The following SLC13A3 variants were observed in gnomAD, a reference collection of about 807,000 sequenced individuals.
SLC13A3 encodes the protein solute carrier family 13 member 3.
Under a neutral mutation model 59.0 loss-of-function variants are expected in SLC13A3, and 40 were observed. The observed-to-expected ratio is 0.68, with a 90% CI of 0.53 to 0.88. The LOEUF is 0.88. Ranked by LOEUF, SLC13A3 falls within the 40% of genes least tolerant of loss-of-function variation. The pLI is 0.00. For synonymous variants in SLC13A3, 317 were observed against 330.3 expected, an observed-to-expected ratio of 0.96 and a Z score of 0.44; for missense variants, 699 against 783.2, an observed-to-expected ratio of 0.89 and a Z score of 1.28.
intron 1 of SLC13A3, among the ~76,000 whole-genome samples, chr20:46,660,839 CTTCTCTACGTGT>C (rs2063025473): frequency 6.6e-6 from 1 of 151,676 alleles, no homozygotes; most frequent in African/African-American, 2.4e-5. Context: ...TTCACTTTTC[CTTCTCTACGTGT>C]TTCAAACAGG....
rs1527137 is a variant in SLC13A3, at chr20:46,640,541, T to C, written c.111+10770A>G. Among the ~76,000 whole-genome samples, 672 of 152,210 alleles carry C rather than the reference T, an allele frequency of 4.4e-3. 7 individuals carry two copies. The highest frequency in any genetic ancestry group is 0.016 in the African/African-American group (650 of 41,530). On this transcript the variant is annotated intron_variant, in intron 1 of 12. Transcript: ENST00000279027. The stretch of plus-strand genomic sequence containing the variant: ...GAGAGTCTGGACTCTCTGCAGATAA[T>C]AGCAACAGCAGCAATCCTTTATTAA...
intron 6 of SLC13A3, among the ~76,000 whole-genome samples, chr20:46,590,984 C>G (rs1472393594): frequency 6.6e-6 from 1 of 150,874 alleles, no homozygotes; most frequent in African/African-American, 2.4e-5. Context: ...CAGAGTAAAC[C>G]CCTCTCTCTA....
At chr20:46,626,123 GTC>G (rs997252516) in intron 1 of SLC13A3, among the ~76,000 whole-genome samples, 33 of 89,292 alleles carry the variant, frequency 3.7e-4, no homozygotes, top group Non-Finnish European at 5.0e-4. Context: ...CTCTCTCTCT[GTC>G]TCTCTCTCTC....
intron 11 of SLC13A3, among the ~76,000 whole-genome samples, 178 bp downstream of exon 11, chr20:46,566,051 T>C (rs943988239): frequency 1.2e-4 from 18 of 152,242 alleles, no homozygotes; most frequent in African/African-American, 4.1e-4. Context: ...TATGTATACA[T>C]TTTTTGAAGG....
chr20:46,588,079 C>G lies in SLC13A3; in HGVS notation c.1101G>C (p.Trp367Cys). The G allele has an allele frequency of 3.1e-6, 5 of 1,610,062 alleles. No individual in the cohort carries two copies. The highest frequency in any genetic ancestry group is 4.2e-6 in the Non-Finnish European group (5 of 1,177,408). ...FTRDPKFIPG[W>C]ASLFNPGFLS... Reference sequence around the variant, plus strand: ...CTCACCCAGGATTGAAGAGGCTGGCCCAGCCAGGGATGAACTTCGGGTCCC... The same window carrying G: ...CTCACCCAGGATTGAAGAGGCTGGCGCAGCCAGGGATGAACTTCGGGTCCC... Residue 367 changes from tryptophan (W) to cysteine (C), a missense_variant, in exon 8 of 13, where the codon TGG becomes TGC. Trp to Cys is a radical substitution (Grantham distance 215). Coordinates refer to ENST00000279027, the MANE Select transcript of SLC13A3 (RefSeq NM_022829.6).
chr20:46,662,469 C>G (rs2063036960), intron 1 of SLC13A3, among the ~76,000 whole-genome samples: 1 of 152,146 alleles, frequency 6.6e-6, no homozygotes, highest in African/African-American at 2.4e-5. Flanking sequence ...GGGAAAAACT[C>G]AAGTCTTTCA....
chr20:46,588,045 C>T lies in SLC13A3; in HGVS notation c.1121+14G>A. 1.3e-6 allele frequency: 2 copies of T among 1,539,454 alleles called. No individual in the cohort carries two copies. The highest frequency in any genetic ancestry group is 2.3e-5 in the East Asian group (1 of 44,168). ...CCCTGTTGGACTCCTCCCTGTGGGTCCCCAGAGTCTCACCCAGGATTGAAG... is the reference window on the plus strand; with the variant it reads ...CCCTGTTGGACTCCTCCCTGTGGGTTCCCAGAGTCTCACCCAGGATTGAAG... On this transcript the variant is annotated intron_variant, in intron 8 of 12. Transcript: ENST00000279027.
At chr20:46,610,763 T>C (rs76827559) in intron 2 of SLC13A3, among the ~76,000 whole-genome samples, 154 bp from the exon 3 acceptor site, 3,953 of 152,266 alleles carry the variant, frequency 0.026, 72 homozygotes, top group Non-Finnish European at 0.039. Context: ...ACCAGGTTTA[T>C]TTTAGATCTA....
chr20:46,636,803 T>A (rs1381956362), intron 1 of SLC13A3, among the ~76,000 whole-genome samples: 1 of 66,128 alleles, frequency 1.5e-5, no homozygotes, highest in East Asian at 8.8e-4. Context: ...ACATTTTTTT[T>A]TTCTTTTTTT....
chr20:46,671,677 C>T (rs976723397), upstream of SLC13A3, among the ~76,000 whole-genome samples: 1 of 152,144 alleles, frequency 6.6e-6, no homozygotes, highest in African/African-American at 2.4e-5. Flanking sequence ...GAGGGAGCCA[C>T]CAGGCAGCAT....
intron 3 of SLC13A3, among the ~76,000 whole-genome samples, chr20:46,600,324 A>AAGGAAGG (rs61169434): frequency 6.0e-5 from 5 of 83,804 alleles, no homozygotes; most frequent in Non-Finnish European, 9.2e-5. Context: ...GGAAGGAAGG[A>AAGGAAGG]AAGGAAGGAA....
intron 5 of SLC13A3, 83 bp from the exon 6 acceptor site, chr20:46,592,612 T>C (rs1418004998): frequency 2.1e-6 from 3 of 1,418,272 alleles, no homozygotes; most frequent in Admixed American, 1.8e-5. Context: ...GCAGTACTAG[T>C]AGCAGCGGGG....
intron 1 of SLC13A3, among the ~76,000 whole-genome samples, chr20:46,659,149 A>T (rs984916221): frequency 6.6e-6 from 1 of 152,110 alleles, no homozygotes; most frequent in African/African-American, 2.4e-5. Flanking sequence ...ATCAATTTAC[A>T]TCTAATATAA....
At position 46,592,244 on chromosome 20, in the gene SLC13A3, C is replaced by T. The variant is rs79761671; in HGVS notation, c.920+160G>A. ...AAATGCATACATACATACATACATA[C>T]ATACATATATACATACCTACATACA... On this transcript the variant is annotated intron_variant, in intron 6 of 12. Transcript: ENST00000279027. Among the ~76,000 whole-genome samples, 556 of 144,326 alleles carry T rather than the reference C, an allele frequency of 3.9e-3. 7 individuals carry two copies. The highest frequency in any genetic ancestry group is 0.015 in the African/African-American group (525 of 34,780). The allele number at this position is 144,326 out of a possible 152,430, so 94.7% of individuals were successfully genotyped here. A position where few individuals can be genotyped will look rare whatever the true frequency, so the allele number is the denominator to read the frequency against.
At chr20:46,581,230 G>T (rs1216460476) in intron 9 of SLC13A3, among the ~76,000 whole-genome samples, 1 of 152,170 alleles carries the variant, frequency 6.6e-6, no homozygotes, top group Non-Finnish European at 1.5e-5. Context: ...CTTCCCCATG[G>T]GCCCAGCTGA....
upstream of SLC13A3, among the ~76,000 whole-genome samples, chr20:46,652,547 A>ATTTTTTTTTTTTTTTTTTTTTTT (rs11471373): frequency 8.5e-6 from 1 of 117,794 alleles, no homozygotes; most frequent in African/African-American, 3.1e-5. Context: ...TATCTGGCTA[A>ATTTTTTTTTTTTTTTTTTTTTTT]TTTTTTTTTT....
intron 1 of SLC13A3, among the ~76,000 whole-genome samples, chr20:46,632,388 T>A (rs1600588610): frequency 6.6e-6 from 1 of 151,240 alleles, no homozygotes; most frequent in African/African-American, 2.4e-5. Context: ...AGTTCACTCA[T>A]GGATAACATG....
intron 1 of SLC13A3, among the ~76,000 whole-genome samples, chr20:46,615,874 C>T (rs567245588): frequency 3.5e-4 from 54 of 152,288 alleles, no homozygotes; most frequent in Non-Finnish European, 7.1e-4. Context: ...ATCCTATTTT[C>T]CTATTGACTT....
Position 46,589,149 on chromosome 20 carries a change from C to A in SLC13A3, c.1016+11G>T. 1 of 1,611,286 alleles carries A rather than the reference C, an allele frequency of 6.2e-7. No individual in the cohort carries two copies. Among genetic ancestry groups the A allele is most frequent in the Non-Finnish European group, 8.5e-7 (1 of 1,177,478 alleles). ...CTCAGCTCTTTCCTTAACCCAAGGG[C>A]CCCCACATACTTGATGGGCCCCAGG... On this transcript the variant is annotated intron_variant, in intron 7 of 12. Transcript: ENST00000279027.
Sources: gnomAD v4.1 joint callset for allele counts (sites outside exome capture counted in the v4.1 genomes callset) on GRCh38, gnomAD v4.1.1 for gene constraint, MANE v1.5 for transcripts, NCBI Gene and HGNC (gene_info 2026-07-23, HGNC 2026-07-21) for gene names.